FGFR3: variants seen among roughly 807,000 people sequenced by gnomAD.
FGFR3 encodes the protein FGFR-3.
In FGFR3, 25 loss-of-function variants were observed where a neutral mutation model predicts 82.9. The observed-to-expected ratio is 0.30, with a 90% CI of 0.22 to 0.42. The LOEUF is 0.42. FGFR3 is among the 10% of genes least tolerant of loss of function. The probability of loss-of-function intolerance (pLI) is 1.00; values close to 1 mark genes in which losing one functional copy is unlikely to be tolerated. For synonymous variants in FGFR3, 620 were observed against 516.0 expected (o/e 1.20, Z -2.73); for missense variants, 1,026 against 1,161.0 (o/e 0.88, Z 1.69).
rs754400428 is a variant in FGFR3 at position 1,804,280 on chromosome 4, C to T, written c.1076-50C>T. On this transcript the variant is annotated intron_variant, in intron 8 of 17. Coordinates refer to ENST00000440486, the MANE Select transcript of FGFR3 (RefSeq NM_000142.5). ...TCTGGGCCAGGGGCATCCATGGGAGCCCCGTGGGGGGGGGGGCCAGGCCAG... is the reference window on the plus strand; with the variant it reads ...TCTGGGCCAGGGGCATCCATGGGAGTCCCGTGGGGGGGGGGGCCAGGCCAG... 58 of 1,539,726 alleles carry T rather than the reference C, an allele frequency of 3.8e-5. No homozygotes were observed. In the South Asian group the frequency reaches 6.7e-4, roughly 18 times the overall value.
chr4:1,805,004 G>C, intron 10 of FGFR3, 35 bp downstream of exon 10: 1 of 1,525,090 alleles, frequency 6.6e-7, no homozygotes, highest in Non-Finnish European at 8.8e-7. Flanking sequence ...TGGCTGTAGG[G>C]GGCTTGGTGG....
At chr4:1,798,299 C>T (rs1720758326) in intron 2 of FGFR3, among the ~76,000 whole-genome samples, 1 of 151,942 alleles carries the variant, frequency 6.6e-6, no homozygotes, top group African/African-American at 2.4e-5. Context: ...CTGCCCCCAG[C>T]CTGGTCGTCC....
intron 2 of FGFR3, among the ~76,000 whole-genome samples, chr4:1,795,106 G>T (rs919017179): frequency 5.3e-5 from 8 of 151,908 alleles, no homozygotes; most frequent in South Asian, 2.1e-4. Flanking sequence ...CAGCCTCCCG[G>T]AACAATGTCA....
intron 12 of FGFR3, 27 bp downstream of exon 12, chr4:1,805,696 G>A (rs781453277): frequency 7.4e-6 from 12 of 1,611,230 alleles, no homozygotes; most frequent in Admixed American, 6.7e-5. Context: ...CGGTGGTGCC[G>A]GCTGGGCGGC....
rs1318158570 is a variant in FGFR3, at chr4:1,799,354, G to T, written c.210G>T (p.Gly70=). The T allele has an allele frequency of 6.2e-7, 1 of 1,612,576 alleles. No individual in the cohort carries two copies. Among genetic ancestry groups the T allele is most frequent in the Non-Finnish European group, 8.5e-7 (1 of 1,179,898 alleles). ...CCCCGCCCGGGGGTGGTCCCATGGG[G>T]CCCACTGTCTGGGTCAAGGATGGCA... is the stretch of plus-strand genomic sequence containing the variant. The part of the protein sequence containing the change: ...SCPPPGGGPM[G]PTVWVKDGTG... Residue 70 remains glycine (G), a synonymous_variant, in exon 3 of 18, where the codon GGG becomes GGT. Coordinates refer to ENST00000440486, the MANE Select transcript of FGFR3 (RefSeq NM_000142.5).
chr4:1,805,593 G>C lies in FGFR3; in HGVS notation c.1569G>C (p.Val523=). 2.5e-6 allele frequency: 4 copies of C among 1,613,326 alleles called. No homozygotes were observed. The highest frequency in any genetic ancestry group is 3.4e-6 in the Non-Finnish European group (4 of 1,179,816). Residue 523 remains valine, a synonymous_variant, in exon 12 of 18, where the codon GTG becomes GTC. Coordinates refer to ENST00000440486, the MANE Select transcript of FGFR3 (RefSeq NM_000142.5). ...DATDKDLSDL[V]SEMEMMKMIG... is the part of the protein sequence containing the mutation. ...CTGACAAGGACCTGTCGGACCTGGT[G>C]TCTGAGATGGAGATGATGAAGATGA...
At chr4:1,799,125 G>C (rs1720879150) in intron 2 of FGFR3, 129 bp from the exon 3 acceptor site, 1 of 1,306,710 alleles carries the variant, frequency 7.7e-7, no homozygotes, top group African/African-American at 1.5e-5. Flanking sequence ...TCCAGCCCCT[G>C]GTCTGGTGGG....
In FGFR3 at chr4:1,803,347, T is replaced by TCTCTCCACCCCTGCCCGCTGCCTG. The variant is rs1461172143; in HGVS notation, c.931-341_931-318dup. 5.4e-4 allele frequency among the ~76,000 whole-genome samples: 82 copies of TCTCTCCACCCCTGCCCGCTGCCTG among 152,134 alleles called. 1 individual carries two copies. The highest frequency in any genetic ancestry group is 9.3e-4 in the Non-Finnish European group (63 of 67,956). ...CCGTCTGTGAGCACCCCTTTGCGCCTCTCTCCACCCCTGCCCGCTGCCTGC... is the reference window on the plus strand; with the variant it reads ...CCGTCTGTGAGCACCCCTTTGCGCCTCTCTCCACCCCTGCCCGCTGCCTGCTCTCCACCCCTGCCCGCTGCCTGC... On this transcript the variant is annotated intron_variant, in intron 7 of 17. Transcript: ENST00000440486.
chr4:1,804,735 C>A (rs920189142), intron 9 of FGFR3, 89 bp from the exon 10 acceptor site: 2 of 1,504,876 alleles, frequency 1.3e-6, no homozygotes, highest in South Asian at 1.2e-5. Flanking sequence ...GTCAGAACGC[C>A]CCCCCTTCTG....
At chr4:1,798,412 C>T (rs1232988553) in intron 2 of FGFR3, among the ~76,000 whole-genome samples, 1 of 152,214 alleles carries the variant, frequency 6.6e-6, no homozygotes, top group Admixed American at 6.5e-5. Context: ...GTGAGACCCA[C>T]TTGGCCGGAC....
Position 1,807,183 on chromosome 4 carries a change from G to T in FGFR3, c.2342G>T (p.Ser781Ile), listed in dbSNP as rs764958279. The change falls in exon 18 of 18, where the codon AGC becomes ATC. Residue 781 changes from serine (S) to isoleucine (I), a missense_variant. By Grantham distance (142) the Ser-to-Ile change is moderately radical. Transcript: ENST00000440486. ...SPGGQDTPSS[S>I]SSGDDSVFAH... ...GGTGGCCAGGACACCCCCAGCTCCA[G>T]CTCCTCAGGGGACGACTCCGTGTTT... is the stretch of plus-strand genomic sequence containing the variant. 3 of 1,606,092 alleles carry T rather than the reference G, an allele frequency of 1.9e-6. No individual in the cohort carries two copies. The highest frequency in any genetic ancestry group is 2.5e-6 in the Non-Finnish European group (3 of 1,177,060).
In FGFR3 at chr4:1,807,146, C is replaced by T. The variant is rs1182454047; in HGVS notation, c.2305C>T (p.Gln769Ter). 1.3e-6 allele frequency: 2 copies of T among 1,597,170 alleles called. No individual in the cohort carries two copies. Among genetic ancestry groups the T allele is most frequent in the Non-Finnish European group, 1.7e-6 (2 of 1,172,548 alleles). Residue 769 changes from glutamine to a stop codon, truncating the protein, a stop_gained, in exon 18 of 18, where the codon CAG (glutamine) becomes TAG (stop). Transcript: ENST00000440486. LOFTEE classifies it low-confidence loss of function (END_TRUNC). ...CCTGGACCTGTCGGCGCCTTTCGAG[C>T]AGTACTCCCCGGGTGGCCAGGACAC... ...EYLDLSAPFE[Q>*]YSPGGQDTPS... is the part of the protein sequence containing the mutation.
In FGFR3 at chr4:1,804,468, G is replaced by T. The variant is rs201813356; in HGVS notation, c.1214G>T (p.Gly405Val). The part of the protein sequence containing the change: ...LCRLRSPPKK[G>V]LGSPTVHKIS... ...CGCCTGCGCAGCCCCCCCAAGAAAG[G>T]CCTGGGCTCCCCCACCGTGCACAAG... Residue 405 changes from glycine to valine, a missense_variant, in exon 9 of 18, where the codon GGC becomes GTC. By Grantham distance (109) the Gly-to-Val change is moderately radical. Around this residue, in one of 9 missense-constraint regions of FGFR3, gnomAD observed 256 missense variants for 217.6 expected, o/e 1.18. Transcript: ENST00000440486. 1 of 1,613,046 alleles carries T rather than the reference G, an allele frequency of 6.2e-7. No homozygotes were observed. The highest frequency in any genetic ancestry group is 2.2e-5 in the East Asian group (1 of 44,880).
In FGFR3 at chr4:1,808,396, A is replaced by T; in HGVS notation, c.*1134A>T. 4.3e-6 allele frequency: 1 copy of T among 232,214 alleles called. No individual in the cohort carries two copies. 14.4% of individuals were successfully genotyped at this position (232,214 alleles called of 1,614,324 possible). ...TTTCTATAGGATTTTTCTTTAGGAG[A>T]TTTATTTTTTGGACTTCAAAGCAAG... On this transcript the variant is annotated 3_prime_UTR_variant, in exon 18 of 18. Transcript: ENST00000440486.
intron 2 of FGFR3, among the ~76,000 whole-genome samples, chr4:1,798,538 C>A (rs1720799675): frequency 1.3e-5 from 2 of 151,996 alleles, no homozygotes; most frequent in Admixed American, 6.5e-5. Context: ...GAGCCCCCAC[C>A]CCCGCCCCGG....
rs1486284769 is a variant in FGFR3, at chr4:1,803,109, C to T, written c.931-583C>T. 4 of 1,507,394 alleles carry T rather than the reference C, an allele frequency of 2.7e-6. No individual in the cohort carries two copies. In the Admixed American group the frequency reaches 6.8e-5, roughly 26 times the overall value. 93.4% of individuals were successfully genotyped at this position (1,507,394 alleles called of 1,614,324 possible). ...CCGGCCGGCACAAGAGCTCCAGCTCCAAGGCCCTGGCCGCGCGCCCTGCAC... is the reference window on the plus strand; with the variant it reads ...CCGGCCGGCACAAGAGCTCCAGCTCTAAGGCCCTGGCCGCGCGCCCTGCAC... On this transcript the variant is annotated intron_variant, in intron 7 of 17. Coordinates refer to ENST00000440486, the MANE Select transcript of FGFR3 (RefSeq NM_000142.5).
Position 1,805,403 on chromosome 4 carries a change from C to A in FGFR3, c.1461C>A (p.Val487=). 6.2e-7 allele frequency: 1 copy of A among 1,612,422 alleles called. No homozygotes were observed. The highest frequency in any genetic ancestry group is 1.1e-5 in the South Asian group (1 of 91,014). ...PLGEGCFGQV[V]MAEAIGIDKD... ...GGGAGGGCTGCTTCGGCCAGGTGGT[C>A]ATGGCGGAGGCCATCGGCATTGACA... is the stretch of plus-strand genomic sequence containing the variant. Residue 487 remains valine, a synonymous_variant, in exon 11 of 18, where the codon GTC becomes GTA. Transcript: ENST00000440486.
intron 10 of FGFR3, 107 bp downstream of exon 10, chr4:1,805,076 C>T (rs1002364284): frequency 7.7e-6 from 11 of 1,429,070 alleles, no homozygotes; most frequent in South Asian, 1.4e-5. Context: ...AGGGATGTGG[C>T]GGATGTTGGG....
intron 7 of FGFR3, among the ~76,000 whole-genome samples, chr4:1,803,455 C>T (rs544690458): frequency 3.9e-5 from 6 of 152,392 alleles, no homozygotes; most frequent in South Asian, 2.1e-4. Context: ...GCTGCCTGCC[C>T]GCCTGCCGCT....
Sources: allele counts gnomAD v4.1 joint callset (sites outside exome capture counted in the v4.1 genomes callset), GRCh38; gene constraint gnomAD v4.1.1; regional missense constraint gnomAD v4.1.1; transcripts MANE v1.5; gene names NCBI Gene and HGNC (gene_info 2026-07-23, HGNC 2026-07-21).